VLDLR: variants seen among roughly 807,000 people sequenced by gnomAD.
VLDLR encodes very low-density lipoprotein receptor.
Under a neutral mutation model 112.7 loss-of-function variants are expected in VLDLR, and 81 were observed. The observed-to-expected ratio is 0.72, with a 90% CI of 0.60 to 0.86. VLDLR has a LOEUF of 0.86. Among genes scored for constraint, VLDLR ranks in the 40% least tolerant of loss-of-function variants. The probability of loss-of-function intolerance (pLI) is 0.00; values close to 1 mark genes in which losing one functional copy is unlikely to be tolerated. For missense variants in VLDLR, 1,237 were observed against 1,099.4 expected (o/e 1.13, Z -1.77); for synonymous variants, 436 against 384.8 (o/e 1.13, Z -1.56).
chr9:2,652,971 A>AT, intron 18 of VLDLR, 22 bp downstream of exon 18: 2 of 1,613,892 alleles, frequency 1.2e-6, no homozygotes, highest in Non-Finnish European at 1.7e-6. Context: ...TTGTGTCTTT[A>AT]TACACCATGG....
intron 7 of VLDLR, 58 bp downstream of exon 7, chr9:2,644,017 C>T: frequency 6.2e-7 from 1 of 1,612,844 alleles, no homozygotes; most frequent in South Asian, 1.1e-5. Flanking sequence ...TCCAGTATAG[C>T]TAACACTGTG....
chr9:2,646,206 G>A, intron 10 of VLDLR, 128 bp from the exon 11 acceptor site: 1 of 811,724 alleles, frequency 1.2e-6, no homozygotes, highest in Non-Finnish European at 2.1e-6. Flanking sequence ...TAATTTGAGT[G>A]GTGAGCTGTG....
Position 2,657,206 on chromosome 9 carries a change from G to A in VLDLR, c.*3338G>A, listed in dbSNP as rs1204909254. The stretch of plus-strand genomic sequence containing the variant: ...CTTATCTCTATTACGTAATCTAACT[G>A]GAATAATTTCCTAGAATTCTTACTA... On this transcript the variant is annotated 3_prime_UTR_variant, in exon 19 of 19. Transcript: ENST00000382100. 3 of 151,996 alleles carry A rather than the reference G, an allele frequency of 2.0e-5. No individual in the cohort carries two copies. Among genetic ancestry groups the A allele is most frequent in the African/African-American group, 7.3e-5 (3 of 41,370 alleles). The allele number at this position is 151,996 out of a possible 1,614,324, so 9.4% of individuals were successfully genotyped here. A position where few individuals can be genotyped will look rare whatever the true frequency, so the allele number is the denominator to read the frequency against.
At chr9:2,631,543 T>C (rs1369251122) in intron 1 of VLDLR, among the ~76,000 whole-genome samples, 1 of 152,178 alleles carries the variant, frequency 6.6e-6, no homozygotes, top group Non-Finnish European at 1.5e-5. Context: ...GTCATTATGC[T>C]AAGGGAAATA....
In VLDLR at chr9:2,643,233, T is replaced by G. The variant is rs1220378894; in HGVS notation, c.522T>G (p.Asn174Lys). ...GRCISRNFVC[N>K]GQDDCSDGSD... The stretch of plus-strand genomic sequence containing the variant: ...GCATCTCCAGGAACTTTGTATGCAA[T>G]GGCCAGGATGACTGCAGCGATGGCA... Residue 174 changes from asparagine to lysine, a missense_variant, in exon 5 of 19, where the codon AAT becomes AAG. Asn to Lys is a moderately conservative substitution (Grantham distance 94). Transcript: ENST00000382100. 1 of 1,614,036 alleles carries G rather than the reference T, an allele frequency of 6.2e-7. No homozygotes were observed. Among genetic ancestry groups the G allele is most frequent in the Admixed American group, 1.7e-5 (1 of 60,000 alleles).
At chr9:2,641,100 C>T (rs759929320) in intron 3 of VLDLR, among the ~76,000 whole-genome samples, 25 of 152,230 alleles carry the variant, frequency 1.6e-4, no homozygotes, top group South Asian at 6.2e-4. Context: ...AACTTCACCA[C>T]GCCAAGTAAA....
intron 14 of VLDLR, among the ~76,000 whole-genome samples, chr9:2,650,098 C>G (rs1310276269): frequency 6.6e-6 from 1 of 152,164 alleles, no homozygotes; most frequent in African/African-American, 2.4e-5. Flanking sequence ...TCCCTCACCT[C>G]CCTTCCCCAC....
chr9:2,652,656 C>T (rs781501366), intron 17 of VLDLR, 124 bp from the exon 18 acceptor site: 5 of 1,318,462 alleles, frequency 3.8e-6, no homozygotes, highest in Admixed American at 1.9e-5. Flanking sequence ...TCTAGTTATC[C>T]TAGCTCCATA....
Position 2,641,364 on chromosome 9 carries a change from A to C in VLDLR, c.326-13A>C. The C allele has an allele frequency of 6.2e-7, 1 of 1,614,076 alleles. No individual in the cohort carries two copies. Among genetic ancestry groups the C allele is most frequent in the Non-Finnish European group, 8.5e-7 (1 of 1,179,916 alleles). On this transcript the variant is annotated splice_polypyrimidine_tract_variant and intron_variant, in intron 3 of 18. Transcript: ENST00000382100. ...AGTTCTGAGGCTCTTTTGAGACTGT[A>C]TATCATCAACAGATATGAGAACATG... is the stretch of plus-strand genomic sequence containing the variant.
At chr9:2,638,229 T>G (rs983260645) in intron 2 of VLDLR, among the ~76,000 whole-genome samples, 1 of 152,222 alleles carries the variant, frequency 6.6e-6, no homozygotes, top group Admixed American at 6.5e-5. Context: ...GCTGTGTAAT[T>G]CAAGGAGATA....
At position 2,641,284 on chromosome 9, in the gene VLDLR, A is replaced by G. The variant is rs1372712162; in HGVS notation, c.326-93A>G. On this transcript the variant is annotated intron_variant, in intron 3 of 18. Coordinates refer to ENST00000382100, the MANE Select transcript of VLDLR (RefSeq NM_003383.5). ...ATTTCACCAGTGTGCCAGGCTACTG[A>G]GTCACAGGTATTAGCGCTTCCAGGC... The G allele has an allele frequency of 2.5e-6, 4 of 1,589,648 alleles. No homozygotes were observed. In the East Asian group the frequency reaches 6.7e-5, roughly 27 times the overall value.
intron 3 of VLDLR, among the ~76,000 whole-genome samples, 175 bp downstream of exon 3, chr9:2,640,156 A>G (rs1011460408): frequency 2.6e-5 from 4 of 152,210 alleles, no homozygotes; most frequent in African/African-American, 9.7e-5. Context: ...CCTTTAAAGA[A>G]TGTTCTCCCT....
Position 2,653,930 on chromosome 9 carries a change from C to G in VLDLR, c.*62C>G. 1 of 1,563,012 alleles carries G rather than the reference C, an allele frequency of 6.4e-7. No individual in the cohort carries two copies. Among genetic ancestry groups the G allele is most frequent in the East Asian group, 2.2e-5 (1 of 44,620 alleles). ...AATAATACCCCCGTCGGAATGGTAA[C>G]CGAGCCAGCAGCTGAAGTCTCTTTT... On this transcript the variant is annotated 3_prime_UTR_variant, in exon 19 of 19. Transcript: ENST00000382100.
chr9:2,626,521 G>A (rs1817094913), intron 1 of VLDLR, among the ~76,000 whole-genome samples: 1 of 152,182 alleles, frequency 6.6e-6, no homozygotes, highest in African/African-American at 2.4e-5. Flanking sequence ...CAGTTATTTT[G>A]AGTCTCTAAG....
chr9:2,650,638 T>C (rs1054634730), intron 15 of VLDLR, 122 bp downstream of exon 15: 63 of 1,322,022 alleles, frequency 4.8e-5, no homozygotes, highest in Non-Finnish European at 6.6e-5. Context: ...AGAAGATATC[T>C]GCTATTGTAT....
chr9:2,641,271 T>G, intron 3 of VLDLR, 106 bp from the exon 4 acceptor site: 1 of 1,563,866 alleles, frequency 6.4e-7, no homozygotes, highest in Non-Finnish European at 8.8e-7. Flanking sequence ...TTCACCAGTG[T>G]GCCAGGCTAC....
chr9:2,630,512 C>G (rs943882740), intron 1 of VLDLR, among the ~76,000 whole-genome samples: 5 of 152,184 alleles, frequency 3.3e-5, no homozygotes, highest in African/African-American at 1.2e-4. Flanking sequence ...CGCTCTGAGC[C>G]TGGTACCCAG....
intron 2 of VLDLR, among the ~76,000 whole-genome samples, chr9:2,639,638 C>G (rs990132996): frequency 6.6e-6 from 1 of 152,166 alleles, no homozygotes; most frequent in African/African-American, 2.4e-5. Flanking sequence ...TCTGTCTGAC[C>G]TTGACTTCAG....
At position 2,648,088 on chromosome 9, in the gene VLDLR, C is replaced by T. The variant is rs142304962; in HGVS notation, c.1823-120C>T. The T allele has an allele frequency of 2.2e-4, 308 of 1,407,324 alleles. No homozygotes were observed. The African/African-American group carries it at 3.3e-3, about 15-fold the overall frequency. The allele number at this position is 1,407,324 out of a possible 1,614,324, so 87.2% of individuals were successfully genotyped here. A position where few individuals can be genotyped will look rare whatever the true frequency, so the allele number is the denominator to read the frequency against. On this transcript the variant is annotated intron_variant, in intron 12 of 18. Transcript: ENST00000382100. Reference sequence around the variant, plus strand: ...TGCTTCGCAAGGTTTATGGTGACCCCGTTAAGAAACCCTGCTGGGGAAAGA... The same window carrying T: ...TGCTTCGCAAGGTTTATGGTGACCCTGTTAAGAAACCCTGCTGGGGAAAGA...
Sources: allele counts gnomAD v4.1 joint callset (sites outside exome capture counted in the v4.1 genomes callset), GRCh38; gene constraint gnomAD v4.1.1; transcripts MANE v1.5; gene names NCBI Gene and HGNC (gene_info 2026-07-23, HGNC 2026-07-21).